Variants in FAM171B observed in about 807,000 individuals in gnomAD.
FAM171B encodes family with sequence similarity 171 member B.
A neutral mutation model predicts 75.6 loss-of-function variants in FAM171B; 19 were observed. That is an observed-to-expected ratio of 0.25 (90% CI 0.18 to 0.37). The LOEUF (loss-of-function observed/expected upper bound fraction) is 0.37. Among genes scored for constraint, FAM171B ranks in the 10% least tolerant of loss-of-function variants. FAM171B has a pLI of 1.00. For missense variants in FAM171B, 848 were observed against 982.4 expected (o/e 0.86, Z 1.83); for synonymous variants, 367 against 361.7 (o/e 1.01, Z -0.17).
intron 1 of FAM171B, among the ~76,000 whole-genome samples, chr2:186,729,864 T>C (rs1690088208): frequency 1.3e-5 from 2 of 152,228 alleles, no homozygotes; most frequent in Admixed American, 1.3e-4. Flanking sequence ...TAAGAGTTAA[T>C]GTGGTACATG....
In FAM171B at chr2:186,761,046, G is replaced by C. The variant is rs1448956466; in HGVS notation, c.1013-67G>C. On this transcript the variant is annotated intron_variant, in intron 6 of 7. Coordinates refer to ENST00000304698, the MANE Select transcript of FAM171B (RefSeq NM_177454.4). The stretch of plus-strand genomic sequence containing the variant: ...ACACTTATTCAATTTGCCTCACCCA[G>C]GATGTGACATAGTTGAGAATTTGAT... 13 of 1,521,858 alleles carry C rather than the reference G, an allele frequency of 8.5e-6. 1 individual carries two copies. The South Asian group carries it at 1.5e-4, about 17-fold the overall frequency. 94.3% of individuals were successfully genotyped at this position (1,521,858 alleles called of 1,614,324 possible).
At chr2:186,727,662 G>A (rs1371478328) in intron 1 of FAM171B, among the ~76,000 whole-genome samples, 2 of 152,116 alleles carry the variant, frequency 1.3e-5, no homozygotes, top group African/African-American at 4.8e-5. Context: ...AGTATGATGA[G>A]TGGGGAAAAA....
intron 1 of FAM171B, chr2:186,695,294 A>ATAGC (rs1689563377): frequency 6.6e-6 from 1 of 152,202 alleles, no homozygotes; most frequent in Non-Finnish European, 1.5e-5. Context: ...CGGTAAGCAA[A>ATAGC]TAGCTAGATT....
In FAM171B at chr2:186,763,518, TCTAATA is replaced by T. The variant is rs1690654839; in HGVS notation, c.*698_*703del. The T allele has an allele frequency of 6.6e-6, 1 of 152,122 alleles. No individual in the cohort carries two copies. The highest frequency in any genetic ancestry group is 1.5e-5 in the Non-Finnish European group (1 of 67,988). 9.4% of individuals were successfully genotyped at this position (152,122 alleles called of 1,614,324 possible). On this transcript the variant is annotated 3_prime_UTR_variant, in exon 8 of 8. Coordinates refer to ENST00000304698, the MANE Select transcript of FAM171B (RefSeq NM_177454.4). The stretch of plus-strand genomic sequence containing the variant: ...ATTTAGAAATTTGAGAAATTAATGC[TCTAATA>T]CTGAGTTTTTATTTAAAAATTATTT...
chr2:186,706,906 A>G (rs1689740163), intron 1 of FAM171B, among the ~76,000 whole-genome samples: 1 of 152,068 alleles, frequency 6.6e-6, no homozygotes, highest in Non-Finnish European at 1.5e-5. Context: ...TATTATAATC[A>G]TAACATTTGA....
At chr2:186,717,860 G>T (rs1689896097) in intron 1 of FAM171B, among the ~76,000 whole-genome samples, 1 of 152,108 alleles carries the variant, frequency 6.6e-6, no homozygotes. Flanking sequence ...ATGACATACG[G>T]ATTTGTCTGC....
At chr2:186,760,946 C>T (rs2105793398) in intron 6 of FAM171B, among the ~76,000 whole-genome samples, 167 bp from the exon 7 acceptor site, 1 of 151,954 alleles carries the variant, frequency 6.6e-6, no homozygotes, top group African/African-American at 2.4e-5. Context: ...GTCAATTAAG[C>T]CAAAGGATAG....
Position 186,743,500 on chromosome 2 carries a change from C to T in FAM171B, c.490C>T (p.Leu164Phe), listed in dbSNP as rs1690322766. 6.2e-7 allele frequency: 1 copy of T among 1,611,192 alleles called. No homozygotes were observed. The change falls in exon 3 of 8, where the codon CTT (leucine) becomes TTT (phenylalanine). Residue 164 changes from leucine to phenylalanine, a missense_variant. Physicochemically the swap from Leu to Phe is conservative, Grantham distance 22 (BLOSUM62 0). This residue lies in a region of FAM171B where 665 missense variants were observed against 729.0 expected (regional missense o/e 0.91). Transcript: ENST00000304698. ...TTTCACAGTATATTCATCAGTTACA[C>T]TTTCACTGTTCCCGCAAAGCCAAGC... is the stretch of plus-strand genomic sequence containing the variant. ...RRMPIYSSVT[L>F]SLFPQSQANI...
chr2:186,711,419 A>G (rs1278919233), intron 1 of FAM171B, among the ~76,000 whole-genome samples: 1 of 152,142 alleles, frequency 6.6e-6, no homozygotes, highest in Non-Finnish European at 1.5e-5. Flanking sequence ...TACCACCATC[A>G]TCCTTCCATA....
At chr2:186,707,605 G>A (rs1335658745) in intron 1 of FAM171B, among the ~76,000 whole-genome samples, 1 of 152,078 alleles carries the variant, frequency 6.6e-6, no homozygotes, top group Non-Finnish European at 1.5e-5. Flanking sequence ...GACCTGTAAG[G>A]CTTTGCATGA....
At chr2:186,715,938 A>T (rs1005581542) in intron 1 of FAM171B, among the ~76,000 whole-genome samples, 2 of 152,160 alleles carry the variant, frequency 1.3e-5, no homozygotes, top group Non-Finnish European at 2.9e-5. Flanking sequence ...TGTAATGGGT[A>T]CCCATGTGCT....
rs80106660 is a variant in FAM171B at position 186,731,643 on chromosome 2, G to A, written c.239-8585G>A. 5.1e-4 allele frequency among the ~76,000 whole-genome samples: 78 copies of A among 151,892 alleles called. 3 individuals carry two copies. In the East Asian group the frequency reaches 0.013, roughly 25 times the overall value. ...GAAAGCCCATCATGTCATATATATC[G>A]GGTCTGAAACCCCTGGGACACAGAC... On this transcript the variant is annotated intron_variant, in intron 1 of 7. Transcript: ENST00000304698.
chr2:186,746,811 A>G (rs1252319229), intron 3 of FAM171B, among the ~76,000 whole-genome samples: 3 of 152,178 alleles, frequency 2.0e-5, no homozygotes, highest in African/African-American at 4.8e-5. Flanking sequence ...GAGACCCCAA[A>G]TGAAACACAT....
At position 186,764,463 on chromosome 2, in the gene FAM171B, C is replaced by CTTTTTTT. The variant is rs35271927; in HGVS notation, c.*1659_*1665dup. On this transcript the variant is annotated 3_prime_UTR_variant, in exon 8 of 8. Coordinates refer to ENST00000304698, the MANE Select transcript of FAM171B (RefSeq NM_177454.4). ...ATGTTTTGGGTAATACCTAGGCTTCCTTTTTTTTTTTTTTTTTTTTTTTTT... is the reference window on the plus strand; with the variant it reads ...ATGTTTTGGGTAATACCTAGGCTTCCTTTTTTTTTTTTTTTTTTTTTTTTTTTTTTTT... 5.9e-4 allele frequency: 49 copies of CTTTTTTT among 83,030 alleles called. No individual in the cohort carries two copies. Among genetic ancestry groups the CTTTTTTT allele is most frequent in the East Asian group, 2.2e-3 (5 of 2,282 alleles). 5.1% of individuals were successfully genotyped at this position (83,030 alleles called of 1,614,324 possible).
chr2:186,738,899 G>A (rs1469552582), intron 1 of FAM171B, among the ~76,000 whole-genome samples: 1 of 152,100 alleles, frequency 6.6e-6, no homozygotes, highest in African/African-American at 2.4e-5. Context: ...GAAATGCATT[G>A]TTAGGTGATT....
chr2:186,719,189 C>G (rs1039348851), intron 1 of FAM171B, among the ~76,000 whole-genome samples: 7 of 152,210 alleles, frequency 4.6e-5, no homozygotes, highest in African/African-American at 1.7e-4. Flanking sequence ...CCCACTCTCC[C>G]AGCATGGTGT....
At chr2:186,713,676 T>C (rs1689838447) in intron 1 of FAM171B, among the ~76,000 whole-genome samples, 1 of 152,186 alleles carries the variant, frequency 6.6e-6, no homozygotes, top group South Asian at 2.1e-4. Context: ...GTACATATGT[T>C]TCTGTAGTAA....
intron 1 of FAM171B, among the ~76,000 whole-genome samples, chr2:186,727,479 CTT>C (rs766787973): frequency 5.9e-5 from 9 of 152,136 alleles, no homozygotes; most frequent in Non-Finnish European, 1.2e-4. Context: ...GTTCTGCAAA[CTT>C]TTTCTGTAGA....
chr2:186,755,219 C>A (rs181977372), intron 6 of FAM171B, among the ~76,000 whole-genome samples: 3 of 152,282 alleles, frequency 2.0e-5, no homozygotes, highest in Admixed American at 2.0e-4. Flanking sequence ...CCTGCTACCA[C>A]TTCCTGGGCC....
Sources: allele counts gnomAD v4.1 joint callset (sites outside exome capture counted in the v4.1 genomes callset), GRCh38; gene constraint gnomAD v4.1.1; regional missense constraint gnomAD v4.1.1; transcripts MANE v1.5; gene names NCBI Gene and HGNC (gene_info 2026-07-23, HGNC 2026-07-21).